SUGCT: variants seen among roughly 807,000 people sequenced by gnomAD.
SUGCT encodes succinyl-CoA:glutarate CoA-transferase.
In SUGCT, 41 loss-of-function variants were observed where a neutral mutation model predicts 55.0. The ratio of observed to expected loss-of-function variants is 0.74; its 90% CI spans 0.58 to 0.97. SUGCT has a LOEUF of 0.97. SUGCT is among the 50% of genes least tolerant of loss of function. The pLI is 0.00. For synonymous variants in SUGCT, 187 were observed against 200.4 expected (o/e 0.93, Z 0.56); for missense variants, 568 against 547.8 (o/e 1.04, Z -0.37).
the SUGCT span, among the ~76,000 whole-genome samples, chr7:40,891,564 C>A: frequency 4.8e-3 from 725 of 152,204 alleles, 6 homozygotes; most frequent in African/African-American, 0.016. Context: ...TTATACCCAG[C>A]AAAGCCATTC....
intron 12 of SUGCT, among the ~76,000 whole-genome samples, chr7:40,673,054 A>G (rs1044736501): frequency 2.0e-5 from 3 of 152,118 alleles, no homozygotes; most frequent in Admixed American, 6.6e-5. Context: ...TTACTTTTAA[A>G]CCACAATATT....
chr7:40,328,740 TATGTGTGTGC>T (rs1055515266), intron 9 of SUGCT, among the ~76,000 whole-genome samples: 1 of 151,786 alleles, frequency 6.6e-6, no homozygotes, highest in Non-Finnish European at 1.5e-5. Flanking sequence ...TATGTGTGTG[TATGTGTGTGC>T]ATGTGTGTGT....
At chr7:40,556,825 G>C (rs1332727837) in intron 12 of SUGCT, among the ~76,000 whole-genome samples, 1 of 152,142 alleles carries the variant, frequency 6.6e-6, no homozygotes, top group African/African-American at 2.4e-5. Context: ...GTGTTTGTAA[G>C]AATAAGCTTT....
chr7:40,652,769 C>T (rs1051948500), intron 12 of SUGCT, among the ~76,000 whole-genome samples: 11 of 152,300 alleles, frequency 7.2e-5, no homozygotes, highest in East Asian at 3.9e-4. Flanking sequence ...TTTCCCTCTC[C>T]GATCTGTTTG....
intron 1 of SUGCT, chr7:40,153,373 G>A: frequency 2.7e-6 from 1 of 365,886 alleles, no homozygotes; most frequent in Non-Finnish European, 5.4e-6. Flanking sequence ...TGGGGGTGAT[G>A]TTTAAGGCTA....
chr7:40,514,694 G>C (rs1275581933), intron 12 of SUGCT, among the ~76,000 whole-genome samples: 1 of 114,486 alleles, frequency 8.7e-6, no homozygotes, highest in East Asian at 2.9e-4. Flanking sequence ...TGGGCAACAA[G>C]AGCGAAACTC....
chr7:40,359,536 C>G (rs888704281), intron 9 of SUGCT, among the ~76,000 whole-genome samples: 4 of 152,108 alleles, frequency 2.6e-5, no homozygotes, highest in Middle Eastern at 3.2e-3. Context: ...AAGACTGGAC[C>G]TGACGTGGCA....
chr7:40,916,311 T>C, the SUGCT span, among the ~76,000 whole-genome samples: 1 of 152,154 alleles, frequency 6.6e-6, no homozygotes, highest in Non-Finnish European at 1.5e-5. Context: ...GTGCATGATG[T>C]AGTCCTAAGT....
chr7:40,302,178 C>T (rs1035137095), intron 8 of SUGCT, among the ~76,000 whole-genome samples: 1 of 152,190 alleles, frequency 6.6e-6, no homozygotes, highest in Non-Finnish European at 1.5e-5. Flanking sequence ...CATCCTGCTA[C>T]TGATAATGCC....
At chr7:40,793,293 A>C (rs1045286513) in intron 13 of SUGCT, 2 of 152,106 alleles carry the variant, frequency 1.3e-5, no homozygotes, top group African/African-American at 4.8e-5. Flanking sequence ...TAGAGACTGC[A>C]CTTCAGAAAT....
At chr7:40,619,025 A>G (rs1192387187) in intron 12 of SUGCT, among the ~76,000 whole-genome samples, 1 of 152,156 alleles carries the variant, frequency 6.6e-6, no homozygotes, top group Non-Finnish European at 1.5e-5. Context: ...TCACATTCTA[A>G]CATTCAACAC....
At chr7:40,310,323 A>C (rs933540016) in intron 8 of SUGCT, among the ~76,000 whole-genome samples, 5 of 152,224 alleles carry the variant, frequency 3.3e-5, no homozygotes, top group Non-Finnish European at 5.9e-5. Flanking sequence ...GTTTCCTCAA[A>C]GCTTTCAGTG....
intron 12 of SUGCT, among the ~76,000 whole-genome samples, chr7:40,660,321 T>C (rs1353089808): frequency 1.3e-5 from 2 of 152,122 alleles, no homozygotes; most frequent in Non-Finnish European, 2.9e-5. Context: ...TGCAGTGGCA[T>C]GATCTCGGCT....
chr7:40,903,391 G>A, the SUGCT span, among the ~76,000 whole-genome samples: 1 of 152,118 alleles, frequency 6.6e-6, no homozygotes, highest in Non-Finnish European at 1.5e-5. Flanking sequence ...GTTCAGAAAG[G>A]GGGAGAAGAG....
chr7:40,191,701 T>C (rs960129658), intron 5 of SUGCT, among the ~76,000 whole-genome samples: 19 of 152,350 alleles, frequency 1.2e-4, no homozygotes, highest in Admixed American at 1.2e-3. Flanking sequence ...GGCCAGCCAA[T>C]TGCTTTTAGA....
At chr7:40,476,365 G>A (rs945403458) in intron 11 of SUGCT, among the ~76,000 whole-genome samples, 8 of 152,114 alleles carry the variant, frequency 5.3e-5, no homozygotes, top group African/African-American at 1.9e-4. Context: ...ATTAAGCCAT[G>A]AGACTGCTTT....
At chr7:40,901,512 A>G in the SUGCT span, among the ~76,000 whole-genome samples, 4 of 132,914 alleles carry the variant, frequency 3.0e-5, no homozygotes, top group Non-Finnish European at 5.2e-5. Flanking sequence ...TGTGCATCCA[A>G]TAAGAAGGTC....
the SUGCT span, among the ~76,000 whole-genome samples, chr7:40,892,597 G>A: frequency 2.6e-5 from 4 of 152,218 alleles, no homozygotes; most frequent in Admixed American, 2.0e-4. Context: ...GCAATGCTGT[G>A]ATCATAGCTC....
At chr7:40,434,459 G>C (rs914139359) in intron 9 of SUGCT, among the ~76,000 whole-genome samples, 3 of 151,964 alleles carry the variant, frequency 2.0e-5, no homozygotes, top group Non-Finnish European at 4.4e-5. Flanking sequence ...TTCATTGGCA[G>C]ATTCAGGCTG....
Sources: gnomAD v4.1 joint callset for allele counts (sites outside exome capture counted in the v4.1 genomes callset) on GRCh38, gnomAD v4.1.1 for gene constraint, MANE v1.5 for transcripts, NCBI Gene and HGNC (gene_info 2026-07-23, HGNC 2026-07-21) for gene names.